EYS: variants seen among roughly 807,000 people sequenced by gnomAD.
The protein encoded by EYS is EGF-like photoreceptor maintenance factor.
Under a neutral mutation model 282.1 loss-of-function variants are expected in EYS, and 250 were observed. The observed-to-expected ratio is 0.89, with a 90% CI of 0.80 to 0.98. The LOEUF is 0.98. Ranked by LOEUF, EYS falls within the 50% of genes least tolerant of loss-of-function variation. The pLI, the probability that EYS is intolerant of heterozygous loss-of-function variation, is 0.00. For missense variants in EYS, 4,016 were observed against 3,709.0 expected, an observed-to-expected ratio of 1.08 and a Z score of -2.15; for synonymous variants, 1,355 against 1,282.9, an observed-to-expected ratio of 1.06 and a Z score of -1.20.
chr6:64,384,713 A>C (rs1772855088), intron 29 of EYS, among the ~76,000 whole-genome samples: 1 of 152,158 alleles, frequency 6.6e-6, no homozygotes, highest in South Asian at 2.1e-4. Context: ...CTACCACCAG[A>C]GAGAAGGCAT....
chr6:63,807,528 G>A (rs1293674127), intron 36 of EYS, among the ~76,000 whole-genome samples: 2 of 152,024 alleles, frequency 1.3e-5, no homozygotes, highest in Non-Finnish European at 2.9e-5. Flanking sequence ...TAAGATATTT[G>A]TGTGAATAAA....
intron 12 of EYS, among the ~76,000 whole-genome samples, chr6:65,228,966 G>A (rs949994002): frequency 1.3e-5 from 2 of 151,874 alleles, no homozygotes; most frequent in Non-Finnish European, 2.9e-5. Context: ...AAAAAAGAAA[G>A]AGCCAGTCTT....
At chr6:64,166,270 T>G (rs1488200345) in intron 31 of EYS, among the ~76,000 whole-genome samples, 1 of 152,194 alleles carries the variant, frequency 6.6e-6, no homozygotes, top group Non-Finnish European at 1.5e-5. Context: ...TGACTACTAC[T>G]TATGTTCGCT....
chr6:65,226,192 C>T (rs1272842850), intron 12 of EYS, among the ~76,000 whole-genome samples: 1 of 151,912 alleles, frequency 6.6e-6, no homozygotes. Flanking sequence ...TATCAACACA[C>T]TAAAATCAAT....
intron 22 of EYS, among the ~76,000 whole-genome samples, chr6:64,661,618 A>C (rs1296721648): frequency 1.3e-5 from 2 of 151,502 alleles, no homozygotes; most frequent in East Asian, 3.9e-4. Context: ...ATGCAGCCAA[A>C]AGACACATGA....
At chr6:64,036,208 A>G (rs1770111882) in intron 33 of EYS, among the ~76,000 whole-genome samples, 1 of 152,182 alleles carries the variant, frequency 6.6e-6, no homozygotes, top group Non-Finnish European at 1.5e-5. Flanking sequence ...AAGCATGTAA[A>G]GATGATAGAA....
chr6:63,968,359 T>A (rs553809973), intron 35 of EYS, among the ~76,000 whole-genome samples: 56 of 152,328 alleles, frequency 3.7e-4, no homozygotes, highest in African/African-American at 1.1e-3. Flanking sequence ...TATGGGCTTA[T>A]ATGTCTGCAT....
chr6:64,952,533 C>A (rs777503211), intron 14 of EYS, among the ~76,000 whole-genome samples: 1 of 151,978 alleles, frequency 6.6e-6, no homozygotes, highest in African/African-American at 2.4e-5. Flanking sequence ...TAAACTACTT[C>A]TCAGTCTCTG....
intron 5 of EYS, among the ~76,000 whole-genome samples, chr6:65,417,643 A>G (rs1330062645): frequency 6.6e-6 from 1 of 152,088 alleles, no homozygotes; most frequent in East Asian, 1.9e-4. Flanking sequence ...ACATAAATGC[A>G]TAAGAATGAT....
At chr6:65,484,618 T>C (rs944064624) in intron 5 of EYS, among the ~76,000 whole-genome samples, 3 of 152,194 alleles carry the variant, frequency 2.0e-5, no homozygotes, top group Non-Finnish European at 2.9e-5. Context: ...AAGCTACTAA[T>C]AATGCTACTC....
At chr6:65,468,301 T>C (rs760307608) in intron 5 of EYS, among the ~76,000 whole-genome samples, 6 of 152,242 alleles carry the variant, frequency 3.9e-5, no homozygotes, top group African/African-American at 1.2e-4. Context: ...CTTCTTCTCA[T>C]GCTTTTTGGG....
chr6:64,601,232 T>A (rs1422218069), intron 24 of EYS, among the ~76,000 whole-genome samples: 1 of 152,112 alleles, frequency 6.6e-6, no homozygotes, highest in African/African-American at 2.4e-5. Context: ...AAAGATATCA[T>A]ATATTGATGA....
chr6:64,634,960 G>T (rs1407622325), intron 22 of EYS, among the ~76,000 whole-genome samples: 1 of 152,074 alleles, frequency 6.6e-6, no homozygotes, highest in African/African-American at 2.4e-5. Context: ...CATGAGCATG[G>T]AATGTTCTTC....
intron 12 of EYS, among the ~76,000 whole-genome samples, chr6:65,197,184 T>C (rs892324103): frequency 6.6e-6 from 1 of 152,064 alleles, no homozygotes; most frequent in Non-Finnish European, 1.5e-5. Flanking sequence ...GAGTTTACTC[T>C]CTGATGTGGG....
rs1770239428 is a variant in EYS at position 64,322,158 on chromosome 6, G to A, written c.6079-15076C>T. On this transcript the variant is annotated intron_variant, in intron 29 of 42. Coordinates refer to ENST00000503581, the MANE Select transcript of EYS (RefSeq NM_001142800.2). ...TGCAAATTGTTCATTGACAAAGAAA[G>A]TCTAGCTGATAAAGTGGAGTAGAGC... Among the ~76,000 whole-genome samples the A allele has an allele frequency of 3.3e-5, 5 of 152,120 alleles. No individual in the cohort carries two copies. The South Asian group carries it at 1.0e-3, about 32-fold the overall frequency.
At chr6:64,844,012 G>C (rs1383167890) in intron 19 of EYS, among the ~76,000 whole-genome samples, 1 of 152,086 alleles carries the variant, frequency 6.6e-6, no homozygotes, top group Admixed American at 6.6e-5. Context: ...AGGGGTTTCT[G>C]CTTTTTCATC....
intron 12 of EYS, among the ~76,000 whole-genome samples, chr6:65,263,075 A>T (rs770855414): frequency 2.0e-5 from 3 of 152,094 alleles, no homozygotes; most frequent in Non-Finnish European, 4.4e-5. Context: ...TTACAGTGAC[A>T]AACGCCTATA....
At chr6:65,194,743 C>A (rs551858035) in intron 12 of EYS, among the ~76,000 whole-genome samples, 1 of 152,064 alleles carries the variant, frequency 6.6e-6, no homozygotes, top group African/African-American at 2.4e-5. Context: ...GAGAAAAGAT[C>A]CAGACCCAGG....
rs1042142319 is a variant in EYS, at chr6:64,191,505, A to G, written c.6424+39087T>C. Among the ~76,000 whole-genome samples the G allele has an allele frequency of 5.9e-5, 8 of 135,286 alleles. No individual in the cohort carries two copies. In the South Asian group the frequency reaches 7.9e-4, roughly 13 times the overall value. 88.8% of individuals were successfully genotyped at this position (135,286 alleles called of 152,430 possible). A position where few individuals can be genotyped will look rare whatever the true frequency, so the allele number is the denominator to read the frequency against. On this transcript the variant is annotated intron_variant, in intron 31 of 42. Transcript: ENST00000503581. ...CCCCCCACCCCAAAACAGTCCCCAG[A>G]GTGTGATGTTCCCCTTCCTGTGTCC...
Sources: gnomAD v4.1 joint callset for allele counts (sites outside exome capture counted in the v4.1 genomes callset) on GRCh38, gnomAD v4.1.1 for gene constraint, MANE v1.5 for transcripts, NCBI Gene and HGNC (gene_info 2026-07-23, HGNC 2026-07-21) for gene names.